MYO18B: variants seen among roughly 807,000 people sequenced by gnomAD.
MYO18B encodes the protein myosin XVIIIB, also known as unconventional myosin-XVIIIb.
A neutral mutation model predicts 273.0 loss-of-function variants in MYO18B; 204 were observed. The ratio of observed to expected loss-of-function variants is 0.75; its 90% confidence interval spans 0.67 to 0.84. MYO18B has a LOEUF of 0.84. Ranked by LOEUF, MYO18B falls within the 40% of genes least tolerant of loss-of-function variation. MYO18B has a pLI of 0.00. For missense variants in MYO18B, 3,212 were observed against 3,287.6 expected (o/e 0.98, Z 0.56); for synonymous variants, 1,330 against 1,305.7 (o/e 1.02, Z -0.40).
In MYO18B at chr22:25,874,337, C is replaced by T. The variant is rs1482114743; in HGVS notation, c.4003C>T (p.Leu1335=). The T allele has an allele frequency of 1.9e-5, 30 of 1,613,840 alleles. No homozygotes were observed. Among genetic ancestry groups the T allele is most frequent in the Non-Finnish European group, 2.5e-5 (30 of 1,179,880 alleles). ...CAGGCTTGAGAAGCAGCGAGAGAAG[C>T]TGGTATCTCAGAGCATCGTTCTCTT... ...ISRLEKQREK[L]VSQSIVLFQA... The change falls in exon 23 of 44, where the codon CTG becomes TTG. Residue 1335 remains leucine (L), a synonymous_variant. Coordinates refer to ENST00000335473, the MANE Select transcript of MYO18B (RefSeq NM_032608.7).
chr22:25,924,943 A>G (rs1034814373), intron 34 of MYO18B, among the ~76,000 whole-genome samples: 2 of 152,188 alleles, frequency 1.3e-5, no homozygotes, highest in African/African-American at 2.4e-5. Context: ...GTTATTTCAG[A>G]AAATCCTTGC....
intron 39 of MYO18B, among the ~76,000 whole-genome samples, chr22:25,973,555 G>A (rs1056228489): frequency 6.6e-6 from 1 of 152,134 alleles, no homozygotes; most frequent in African/African-American, 2.4e-5. Flanking sequence ...GGATGGTGTT[G>A]TCAAACATGG....
At chr22:25,807,435 T>C (rs1459892400) in intron 12 of MYO18B, among the ~76,000 whole-genome samples, 2 of 152,204 alleles carry the variant, frequency 1.3e-5, no homozygotes, top group Admixed American at 1.3e-4. Flanking sequence ...CTTTATTATT[T>C]CCCAAGGCTT....
intron 39 of MYO18B, among the ~76,000 whole-genome samples, chr22:25,970,192 A>G (rs1301746336): frequency 6.6e-6 from 1 of 152,154 alleles, no homozygotes; most frequent in East Asian, 1.9e-4. Flanking sequence ...CATGAAAATT[A>G]TTATTATCAC....
chr22:25,969,821 T>C, intron 39 of MYO18B, among the ~76,000 whole-genome samples: 1 of 152,222 alleles, frequency 6.6e-6, no homozygotes, highest in South Asian at 2.1e-4. Flanking sequence ...TGGAGACAAT[T>C]ATTGCAACTG....
intron 15 of MYO18B, 136 bp downstream of exon 15, chr22:25,829,104 C>T (rs1262784499): frequency 1.9e-6 from 2 of 1,026,146 alleles, no homozygotes; most frequent in Non-Finnish European, 2.8e-6. Context: ...AAAGCCCTTT[C>T]CCCAGGCCTG....
chr22:25,954,089 G>A (rs79624307), intron 38 of MYO18B, among the ~76,000 whole-genome samples: 2,751 of 152,280 alleles, frequency 0.018, 69 homozygotes, highest in African/African-American at 0.046. Flanking sequence ...TGTGGGTCCC[G>A]TCTTATGTCA....
chr22:26,000,716 C>T (rs1452783196), intron 40 of MYO18B, among the ~76,000 whole-genome samples: 1 of 152,032 alleles, frequency 6.6e-6, no homozygotes, highest in Admixed American at 6.6e-5. Context: ...TTAATTCAGC[C>T]TTCTTATTTT....
intron 39 of MYO18B, among the ~76,000 whole-genome samples, chr22:25,956,212 CTTTTT>C (rs60449297): frequency 1.9e-4 from 26 of 139,342 alleles, no homozygotes; most frequent in African/African-American, 5.8e-4. Context: ...ACCGAGGAAC[CTTTTT>C]TTTTTTTTTT....
chr22:25,903,713 C>G lies in MYO18B; in HGVS notation c.5030C>G (p.Ser1677Cys), dbSNP rs372882233. The change falls in exon 31 of 44, where the codon TCT (serine) becomes TGT (cysteine). Residue 1677 changes from serine to cysteine, a missense_variant. Ser to Cys is a moderately radical substitution (Grantham distance 112). Coordinates refer to ENST00000335473, the MANE Select transcript of MYO18B (RefSeq NM_032608.7). ...AAACGGGAGCTGCTGGGGTCACCCT[C>G]TCTGGGGGAAAATTGCGTTGCTGGC... ...DHKRELLGSPSLGENCVAGLK... is the reference protein window; with the variant it reads ...DHKRELLGSPCLGENCVAGLK... The G allele has an allele frequency of 3.1e-6, 5 of 1,608,650 alleles. No individual in the cohort carries two copies. Among genetic ancestry groups the G allele is most frequent in the Non-Finnish European group, 4.2e-6 (5 of 1,177,584 alleles).
At chr22:25,770,023 G>A in intron 4 of MYO18B, 87 bp from the exon 5 acceptor site, 2 of 1,363,048 alleles carry the variant, frequency 1.5e-6, no homozygotes, top group Non-Finnish European at 2.1e-6. Flanking sequence ...GATGGCTCCA[G>A]AGCACACTGT....
Position 25,816,274 on chromosome 22 carries a change from A to T in MYO18B, c.2522-7231A>T, listed in dbSNP as rs571017306. Among the ~76,000 whole-genome samples, 5 of 152,230 alleles carry T rather than the reference A, an allele frequency of 3.3e-5. No homozygotes were observed. The South Asian group carries it at 1.0e-3, about 32-fold the overall frequency. ...TTAAGGGAGGAAATCTCTGAGTGGGATCATAATAGAGTTGACATTTACTGA... is the reference window on the plus strand; with the variant it reads ...TTAAGGGAGGAAATCTCTGAGTGGGTTCATAATAGAGTTGACATTTACTGA... On this transcript the variant is annotated intron_variant, in intron 12 of 43. Transcript: ENST00000335473.
chr22:25,753,091 GT>G (rs142070731), intron 1 of MYO18B, among the ~76,000 whole-genome samples: 47,738 of 151,996 alleles, frequency 0.31, 7,877 homozygotes, highest in South Asian at 0.42. Flanking sequence ...CCCACCACTG[GT>G]TAGGATCGCG....
At chr22:26,048,709 A>G in the MYO18B span, among the ~76,000 whole-genome samples, 1 of 152,126 alleles carries the variant, frequency 6.6e-6, no homozygotes, top group Non-Finnish European at 1.5e-5. Flanking sequence ...AAAAAAAAAC[A>G]AAACAAAACG....
At chr22:25,930,418 C>T (rs1434165748) in intron 34 of MYO18B, among the ~76,000 whole-genome samples, 4 of 151,632 alleles carry the variant, frequency 2.6e-5, no homozygotes, top group Non-Finnish European at 4.4e-5. Flanking sequence ...TGAAGGAATC[C>T]GACTCAGGTA....
chr22:25,753,983 T>G (rs2086028235), intron 1 of MYO18B, among the ~76,000 whole-genome samples: 1 of 152,194 alleles, frequency 6.6e-6, no homozygotes, highest in South Asian at 2.1e-4. Context: ...TAAGTGATGC[T>G]CCTGTCTTGG....
intron 29 of MYO18B, among the ~76,000 whole-genome samples, chr22:25,901,692 T>TA (rs776223879): frequency 2.6e-4 from 39 of 152,158 alleles, no homozygotes; most frequent in Non-Finnish European, 3.5e-4. Flanking sequence ...TCATTCTACT[T>TA]ACATCCATTC....
At chr22:25,876,486 G>A (rs1007284679) in intron 24 of MYO18B, among the ~76,000 whole-genome samples, 154 bp downstream of exon 24, 1 of 152,066 alleles carries the variant, frequency 6.6e-6, no homozygotes, top group African/African-American at 2.4e-5. Flanking sequence ...ATGTTCCTCT[G>A]CCTCCAACAA....
chr22:25,843,804 C>A lies in MYO18B; in HGVS notation c.3278C>A (p.Pro1093His). The change falls in exon 18 of 44, where the codon CCT (proline) becomes CAT (histidine). Residue 1093 changes from proline to histidine, a missense_variant. Pro to His is a moderately conservative substitution (Grantham distance 77). Coordinates refer to ENST00000335473, the MANE Select transcript of MYO18B (RefSeq NM_032608.7). ...ATTTTCCACCAGTTGGGATGGGACC[C>A]TGTGCGGTACGACCTCACGGGCTGG... ...CEIFHQLGWD[P>H]VRYDLTGWLH... 9 of 1,613,964 alleles carry A rather than the reference C, an allele frequency of 5.6e-6. No homozygotes were observed. Among genetic ancestry groups the A allele is most frequent in the Non-Finnish European group, 7.6e-6 (9 of 1,179,836 alleles).
Sources: gnomAD v4.1 joint callset for allele counts (sites outside exome capture counted in the v4.1 genomes callset) on GRCh38, gnomAD v4.1.1 for gene constraint, MANE v1.5 for transcripts, NCBI Gene and HGNC (gene_info 2026-07-23, HGNC 2026-07-21) for gene names.